ELP4: variants seen among roughly 807,000 people sequenced by gnomAD.
ELP4 encodes the protein elongator acetyltransferase complex subunit 4, also known as elongator complex protein 4.
A neutral mutation model predicts 48.9 loss-of-function variants in ELP4; 51 were observed. The observed-to-expected ratio is 1.04, with a 90% confidence interval of 0.83 to 1.32. The LOEUF is 1.32. Among genes scored for constraint, ELP4 ranks in the 40% most tolerant of loss-of-function variants. ELP4 has a pLI of 0.00. For synonymous variants in ELP4, 210 were observed against 189.2 expected, an observed-to-expected ratio of 1.11 and a Z score of -0.90; for missense variants, 519 against 514.6, an observed-to-expected ratio of 1.01 and a Z score of -0.08.
chr11:31,548,228 T>C (rs1956771442), intron 3 of ELP4, among the ~76,000 whole-genome samples: 1 of 152,204 alleles, frequency 6.6e-6, no homozygotes, highest in African/African-American at 2.4e-5. Flanking sequence ...ATTGTATATC[T>C]AGAAAATCCC....
At chr11:31,667,131 A>G (rs1383638122) in intron 9 of ELP4, among the ~76,000 whole-genome samples, 17 of 152,222 alleles carry the variant, frequency 1.1e-4, no homozygotes, top group Non-Finnish European at 1.6e-4. Context: ...GTCTATTTGC[A>G]TCTGTCCTGG....
chr11:31,610,209 T>G (rs1957951909), intron 5 of ELP4, among the ~76,000 whole-genome samples: 1 of 152,196 alleles, frequency 6.6e-6, no homozygotes. Context: ...TGGAAAGGCA[T>G]CATGTAAGTG....
rs558820911 is a variant in ELP4, at chr11:31,787,530, G to A, written c.*4006G>A. 6 of 232,920 alleles carry A rather than the reference G, an allele frequency of 2.6e-5. No homozygotes were observed. In the East Asian group the frequency reaches 3.6e-4, roughly 14 times the overall value. 14.4% of individuals were successfully genotyped at this position (232,920 alleles called of 1,614,324 possible). On this transcript the variant is annotated 3_prime_UTR_variant, in exon 10 of 10. Transcript: ENST00000640961. ...ACTCCCACATAGCCCTTCTCTGACAGTTCCCTCAGCACACAGCCCTCAGGG... is the reference window on the plus strand; with the variant it reads ...ACTCCCACATAGCCCTTCTCTGACAATTCCCTCAGCACACAGCCCTCAGGG...
chr11:31,559,321 G>A (rs952294080), intron 3 of ELP4, among the ~76,000 whole-genome samples: 1 of 152,160 alleles, frequency 6.6e-6, no homozygotes, highest in South Asian at 2.1e-4. Flanking sequence ...CACCACGTCT[G>A]TCTTTTCAAA....
At chr11:31,687,997 C>T (rs768809171) in intron 9 of ELP4, among the ~76,000 whole-genome samples, 2 of 152,100 alleles carry the variant, frequency 1.3e-5, no homozygotes, top group African/African-American at 2.4e-5. Flanking sequence ...ACGTTGACAG[C>T]GTGTTGGATA....
intron 9 of ELP4, among the ~76,000 whole-genome samples, chr11:31,669,173 A>G (rs1945752172): frequency 6.6e-6 from 1 of 151,866 alleles, no homozygotes; most frequent in South Asian, 2.1e-4. Context: ...ATCTCGGCTC[A>G]CTGCAACCTC....
chr11:31,589,153 A>C (rs1338527643), intron 3 of ELP4, among the ~76,000 whole-genome samples: 2 of 152,160 alleles, frequency 1.3e-5, no homozygotes, highest in African/African-American at 2.4e-5. Flanking sequence ...ATAACACAAA[A>C]TTGGCCCACT....
intron 7 of ELP4, among the ~76,000 whole-genome samples, chr11:31,643,786 C>G (rs1945146769): frequency 6.6e-6 from 1 of 151,614 alleles, no homozygotes; most frequent in Non-Finnish European, 1.5e-5. Context: ...AGGAAACACT[C>G]TATGAAACCA....
At chr11:31,522,063 G>A (rs1956221964) in intron 2 of ELP4, among the ~76,000 whole-genome samples, 1 of 152,054 alleles carries the variant, frequency 6.6e-6, no homozygotes, top group South Asian at 2.1e-4. Context: ...AGTAAAATAT[G>A]TCTTATGAGA....
chr11:31,732,516 G>A (rs757490317), intron 9 of ELP4, among the ~76,000 whole-genome samples: 2 of 150,810 alleles, frequency 1.3e-5, no homozygotes, highest in Admixed American at 6.6e-5. Flanking sequence ...CTGCAAGAGA[G>A]GATAAGACAG....
At chr11:31,560,695 T>A (rs1393742381) in intron 3 of ELP4, among the ~76,000 whole-genome samples, 1 of 147,834 alleles carries the variant, frequency 6.8e-6, no homozygotes, top group Admixed American at 6.8e-5. Context: ...TTGTTTTATA[T>A]ATATATAAAA....
intron 9 of ELP4, among the ~76,000 whole-genome samples, chr11:31,709,080 T>A (rs988803584): frequency 1.3e-5 from 2 of 152,146 alleles, no homozygotes; most frequent in African/African-American, 4.8e-5. Context: ...CTAACAACTC[T>A]CTGATCTATA....
intron 4 of ELP4, among the ~76,000 whole-genome samples, chr11:31,596,746 G>C (rs1338987032): frequency 6.6e-6 from 1 of 152,010 alleles, no homozygotes; most frequent in Non-Finnish European, 1.5e-5. Flanking sequence ...AAATTTAAGA[G>C]AGAATATTTA....
intron 9 of ELP4, among the ~76,000 whole-genome samples, chr11:31,749,245 A>AAG (rs1947665875): frequency 6.6e-6 from 1 of 152,248 alleles, no homozygotes; most frequent in Non-Finnish European, 1.5e-5. Flanking sequence ...TCATGGAGGC[A>AAG]GAGAAAAGTC....
intron 3 of ELP4, among the ~76,000 whole-genome samples, chr11:31,576,629 T>G (rs560445463): frequency 4.6e-5 from 7 of 152,268 alleles, no homozygotes; most frequent in South Asian, 2.1e-4. Context: ...AATGCAGGAT[T>G]AAGACACTCA....
chr11:31,711,626 A>G (rs2134172204), intron 9 of ELP4, among the ~76,000 whole-genome samples: 1 of 152,256 alleles, frequency 6.6e-6, no homozygotes, highest in African/African-American at 2.4e-5. Context: ...TTATGTGTAT[A>G]GATTTAGAAA....
At chr11:31,618,354 G>A (rs187223975) in intron 5 of ELP4, among the ~76,000 whole-genome samples, 193 of 152,140 alleles carry the variant, frequency 1.3e-3, no homozygotes, top group African/African-American at 6.7e-4. Context: ...GTTTGGTGTC[G>A]GTTAAGGACC....
intron 9 of ELP4, among the ~76,000 whole-genome samples, chr11:31,756,033 T>A (rs1947826679): frequency 6.6e-6 from 1 of 152,198 alleles, no homozygotes. Flanking sequence ...GGAGTAAATA[T>A]TGAAAGGTTT....
chr11:31,672,166 A>G (rs186181662), intron 9 of ELP4, among the ~76,000 whole-genome samples: 9 of 152,256 alleles, frequency 5.9e-5, no homozygotes, highest in African/African-American at 2.2e-4. Flanking sequence ...CCTGGCTTTT[A>G]CCAGCTTACC....
Sources: allele counts gnomAD v4.1 joint callset (sites outside exome capture counted in the v4.1 genomes callset), GRCh38; gene constraint gnomAD v4.1.1; transcripts MANE v1.5; gene names NCBI Gene and HGNC (gene_info 2026-07-23, HGNC 2026-07-21).